Variants in C11orf16 observed in about 807,000 individuals in gnomAD.
C11orf16 encodes uncharacterized protein C11orf16.
Under a neutral mutation model 45.1 loss-of-function variants are expected in C11orf16, and 38 were observed. The ratio of observed to expected loss-of-function variants is 0.84; its 90% confidence interval spans 0.65 to 1.10. C11orf16 has a LOEUF of 1.10. Ranked by LOEUF, C11orf16 falls within the 50% of genes least tolerant of loss-of-function variation. The probability of loss-of-function intolerance (pLI) is 0.00; values close to 1 mark genes in which losing one functional copy is unlikely to be tolerated. For missense variants in C11orf16, 583 were observed against 569.5 expected (o/e 1.02, Z -0.24); for synonymous variants, 221 against 222.0 (o/e 1.00, Z 0.04).
chr11:8,932,028 C>T (rs1405261532), intron 2 of C11orf16, 114 bp downstream of exon 2: 1 of 1,166,118 alleles, frequency 8.6e-7, no homozygotes, highest in South Asian at 1.7e-5. Flanking sequence ...CAATGACGAC[C>T]CCTTTCCACC....
intron 6 of C11orf16, among the ~76,000 whole-genome samples, chr11:8,920,996 T>G (rs1054569511): frequency 9.9e-5 from 15 of 152,254 alleles, no homozygotes; most frequent in Admixed American, 7.8e-4. Flanking sequence ...TAGGGCTATA[T>G]TATCATTCTT....
Position 8,926,112 on chromosome 11 carries a change from A to C in C11orf16, c.560-5T>G. On this transcript the variant is annotated splice_region_variant and splice_polypyrimidine_tract_variant and intron_variant, in intron 4 of 6. Coordinates refer to ENST00000326053, the MANE Select transcript of C11orf16 (RefSeq NM_020643.3). ...TGATTTCTTTTTCCTTTGATGCTACATAACAAAAAATGGCAACATTTTGTT... is the reference window on the plus strand; with the variant it reads ...TGATTTCTTTTTCCTTTGATGCTACCTAACAAAAAATGGCAACATTTTGTT... 1 of 1,554,944 alleles carries C rather than the reference A, an allele frequency of 6.4e-7. No individual in the cohort carries two copies. Among genetic ancestry groups the C allele is most frequent in the Non-Finnish European group, 8.7e-7 (1 of 1,150,460 alleles).
At chr11:8,925,430 G>A in intron 5 of C11orf16, 33 bp downstream of exon 5, 1 of 1,588,540 alleles carries the variant, frequency 6.3e-7, no homozygotes, top group South Asian at 1.1e-5. Context: ...CCCAGCCCCT[G>A]CCTTAGAAAG....
intron 6 of C11orf16, 34 bp from the exon 7 acceptor site, chr11:8,920,484 T>G (rs764292362): frequency 2.9e-5 from 19 of 649,842 alleles, no homozygotes; most frequent in African/African-American, 2.0e-4. Context: ...TACATTGTTA[T>G]GCTGACTGCA....
At chr11:8,920,677 C>T (rs1248275475) in intron 6 of C11orf16, among the ~76,000 whole-genome samples, 7 of 152,092 alleles carry the variant, frequency 4.6e-5, no homozygotes, top group Non-Finnish European at 8.8e-5. Context: ...AAAATTTAGT[C>T]AGGTGTGGTG....
At chr11:8,926,821 A>G (rs1566112806) in intron 4 of C11orf16, 119 bp downstream of exon 4, 7 of 717,462 alleles carry the variant, frequency 9.8e-6, no homozygotes, top group Non-Finnish European at 1.6e-5. Context: ...AGGGGGAAAA[A>G]TTCTCTTCTT....
At chr11:8,930,177 C>G (rs765849751) in intron 2 of C11orf16, among the ~76,000 whole-genome samples, 1 of 151,804 alleles carries the variant, frequency 6.6e-6, no homozygotes, top group Non-Finnish European at 1.5e-5. Context: ...ACCTGTAATC[C>G]CAGCACTTTG....
chr11:8,928,643 G>A lies in C11orf16; in HGVS notation c.324+734C>T, dbSNP rs138068918. 1.9e-3 allele frequency among the ~76,000 whole-genome samples: 282 copies of A among 152,264 alleles called. 2 individuals are homozygous for A. Among genetic ancestry groups the A allele is most frequent in the South Asian group, 4.8e-3 (23 of 4,822 alleles). ...AGCCTCCCAAGTAGCTGCGACTACA[G>A]CCATGTGCCACCATGCCTGGCTCAT... On this transcript the variant is annotated intron_variant, in intron 3 of 6. Transcript: ENST00000326053.
At chr11:8,926,177 T>A in intron 4 of C11orf16, 70 bp from the exon 5 acceptor site, 2 of 1,341,684 alleles carry the variant, frequency 1.5e-6, no homozygotes, top group Non-Finnish European at 2.0e-6. Context: ...TTTTTCTTTT[T>A]TTCTTTTCTT....
At chr11:8,927,433 T>C in intron 3 of C11orf16, 1 of 537,464 alleles carries the variant, frequency 1.9e-6, no homozygotes, top group Non-Finnish European at 3.4e-6. Context: ...CCTCTGCCTT[T>C]CCATTCCCTT....
intron 5 of C11orf16, among the ~76,000 whole-genome samples, chr11:8,924,982 C>G (rs554166804): frequency 6.6e-6 from 1 of 152,156 alleles, no homozygotes; most frequent in African/African-American, 2.4e-5. Context: ...TCGCAGTGCC[C>G]GGGTCCTCCC....
chr11:8,924,710 G>T (rs2064598024), intron 5 of C11orf16, among the ~76,000 whole-genome samples: 1 of 152,060 alleles, frequency 6.6e-6, no homozygotes, highest in South Asian at 2.1e-4. Flanking sequence ...CAGCCTCCCT[G>T]CCCCAGATAC....
chr11:8,926,852 G>A, intron 4 of C11orf16, 88 bp downstream of exon 4: 2 of 1,048,662 alleles, frequency 1.9e-6, no homozygotes, highest in Non-Finnish European at 2.9e-6. Flanking sequence ...AAACCCCTAA[G>A]CTGTAGACGC....
At chr11:8,926,181 T>C (rs1420869815) in intron 4 of C11orf16, 74 bp from the exon 5 acceptor site, 2 of 1,259,650 alleles carry the variant, frequency 1.6e-6, no homozygotes, top group Non-Finnish European at 2.1e-6. Context: ...TCTTTTTTTC[T>C]TTTCTTTTTT....
intron 5 of C11orf16, among the ~76,000 whole-genome samples, chr11:8,923,709 T>G (rs918723723): frequency 6.6e-6 from 1 of 152,060 alleles, no homozygotes; most frequent in Non-Finnish European, 1.5e-5. Flanking sequence ...CTTCAACTGA[T>G]TCTCATACCT....
intron 4 of C11orf16, 26 bp downstream of exon 4, chr11:8,926,914 T>C (rs1425335573): frequency 1.9e-6 from 3 of 1,591,506 alleles, no homozygotes; most frequent in Non-Finnish European, 2.6e-6. Flanking sequence ...TTCTGGGCAC[T>C]GATGGGTCAG....
At chr11:8,925,387 TA>T in intron 5 of C11orf16, 75 bp downstream of exon 5, 1 of 1,351,356 alleles carries the variant, frequency 7.4e-7, no homozygotes, top group Non-Finnish European at 1.0e-6. Context: ...ATCAAATTCC[TA>T]AGGGACATGT....
chr11:8,920,887 C>T (rs1385218759), intron 6 of C11orf16, among the ~76,000 whole-genome samples: 1 of 152,200 alleles, frequency 6.6e-6, no homozygotes, highest in Non-Finnish European at 1.5e-5. Flanking sequence ...AGAACTGTGA[C>T]ATCTCCCAGT....
At chr11:8,932,660 G>A (rs1033467258) in intron 1 of C11orf16, among the ~76,000 whole-genome samples, 6 of 152,174 alleles carry the variant, frequency 3.9e-5, no homozygotes, top group East Asian at 1.9e-4. Context: ...AGCACCTGGC[G>A]TATTCAGCAG....
Sources: allele counts gnomAD v4.1 joint callset (sites outside exome capture counted in the v4.1 genomes callset), GRCh38; gene constraint gnomAD v4.1.1; transcripts MANE v1.5; gene names NCBI Gene and HGNC (gene_info 2026-07-23, HGNC 2026-07-21).